Variants in EIF3E observed in about 807,000 individuals in gnomAD.
The protein encoded by EIF3E is eukaryotic translation initiation factor 3 subunit E.
Under a neutral mutation model 59.3 loss-of-function variants are expected in EIF3E, and 25 were observed. The observed-to-expected ratio is 0.42, with a 90% CI of 0.31 to 0.59. EIF3E has a LOEUF of 0.59. Among genes scored for constraint, EIF3E ranks in the 20% least tolerant of loss-of-function variants. The probability of loss-of-function intolerance (pLI) is 0.15; values close to 1 mark genes in which losing one functional copy is unlikely to be tolerated. For missense variants in EIF3E, 317 were observed against 534.3 expected (o/e 0.59, Z 4.01); for synonymous variants, 176 against 170.2 (o/e 1.03, Z -0.26).
chr8:108,238,488 A>G (rs1815776819), intron 3 of EIF3E, among the ~76,000 whole-genome samples: 1 of 152,200 alleles, frequency 6.6e-6, no homozygotes, highest in Non-Finnish European at 1.5e-5. Context: ...AATATCATAT[A>G]GTTGTTAGTT....
At chr8:108,219,950 C>G (rs1815375736) in intron 7 of EIF3E, among the ~76,000 whole-genome samples, 1 of 152,104 alleles carries the variant, frequency 6.6e-6, no homozygotes, top group Non-Finnish European at 1.5e-5. Flanking sequence ...TGACATCAGC[C>G]TGGCCAACAC....
At chr8:108,231,097 C>G (rs185425890) in intron 5 of EIF3E, among the ~76,000 whole-genome samples, 2 of 152,022 alleles carry the variant, frequency 1.3e-5, no homozygotes, top group African/African-American at 4.8e-5. Context: ...TGTAGCCACA[C>G]AAGTACACAA....
chr8:108,244,504 A>T (rs1019408382), intron 1 of EIF3E, among the ~76,000 whole-genome samples: 1 of 152,124 alleles, frequency 6.6e-6, no homozygotes, highest in African/African-American at 2.4e-5. Flanking sequence ...TTATTCCTCA[A>T]ATTATGACAA....
chr8:108,225,415 A>T (rs1201362230), intron 7 of EIF3E, among the ~76,000 whole-genome samples: 1 of 151,510 alleles, frequency 6.6e-6, no homozygotes, highest in East Asian at 1.9e-4. Context: ...ATACCTGCAT[A>T]ACTCACTGGA....
rs144954980 is a variant in EIF3E, at chr8:108,212,985, T to C, written c.1061+1622A>G. Among the ~76,000 whole-genome samples the C allele has an allele frequency of 6.4e-3, 982 of 152,280 alleles. 18 individuals carry two copies. Among genetic ancestry groups the C allele is most frequent in the African/African-American group, 0.023 (949 of 41,528 alleles). Reference sequence around the variant, plus strand: ...CTTTAGTCTGAAAATGCTTTGTAGATTTTTGTCTAGCAGAAAACTACAGAG... The same window carrying C: ...CTTTAGTCTGAAAATGCTTTGTAGACTTTTGTCTAGCAGAAAACTACAGAG... On this transcript the variant is annotated intron_variant, in intron 10 of 12. Coordinates refer to ENST00000220849, the MANE Select transcript of EIF3E (RefSeq NM_001568.3).
At chr8:108,241,008 A>AGG (rs1391372626) in intron 2 of EIF3E, among the ~76,000 whole-genome samples, 3 of 152,072 alleles carry the variant, frequency 2.0e-5, no homozygotes, top group Admixed American at 2.0e-4. Context: ...ACTAAGAAAT[A>AGG]GTTTCCTTTT....
intron 11 of EIF3E, 89 bp from the exon 12 acceptor site, chr8:108,203,206 T>C (rs1160715063): frequency 6.8e-7 from 1 of 1,479,704 alleles, no homozygotes; most frequent in Non-Finnish European, 9.2e-7. Flanking sequence ...TTTGCGCATA[T>C]TTTAATGCAC....
At chr8:108,237,382 G>C (rs924245653) in intron 3 of EIF3E, among the ~76,000 whole-genome samples, 14 of 152,074 alleles carry the variant, frequency 9.2e-5, no homozygotes, top group Non-Finnish European at 2.1e-4. Flanking sequence ...CTCCCAAGTA[G>C]CTGGGATTAC....
At position 108,201,267 on chromosome 8, in the gene EIF3E, C is replaced by CTATATATATATATATAGATATATATA. The variant is rs1563624517; in HGVS notation, c.*617_*618insTATATATATCTATATATATATATATA. ...CTACTGATCATATATATATATATAT[C>CTATATATATATATATAGATATATATA]TATCTCTCAACTTGGATGGCTCTCA... On this transcript the variant is annotated 3_prime_UTR_variant, in exon 13 of 13. Coordinates refer to ENST00000220849, the MANE Select transcript of EIF3E (RefSeq NM_001568.3). 2 of 126,538 alleles carry CTATATATATATATATAGATATATATA rather than the reference C, an allele frequency of 1.6e-5. No homozygotes were observed. The highest frequency in any genetic ancestry group is 7.1e-5 in the African/African-American group (2 of 28,186). 7.8% of individuals were successfully genotyped at this position (126,538 alleles called of 1,614,324 possible).
intron 1 of EIF3E, chr8:108,242,499 T>G: frequency 8.4e-7 from 1 of 1,192,322 alleles, no homozygotes; most frequent in Non-Finnish European, 1.1e-6. Flanking sequence ...TATGTAAAGA[T>G]TCTACAAAAT....
At chr8:108,202,837 T>C (rs1204167869) in intron 12 of EIF3E, 146 bp downstream of exon 12, 3 of 913,008 alleles carry the variant, frequency 3.3e-6, no homozygotes, top group Non-Finnish European at 4.6e-6. Flanking sequence ...AAGAAAAAAT[T>C]TTCTGTTTAG....
intron 6 of EIF3E, among the ~76,000 whole-genome samples, chr8:108,228,712 G>T (rs1815566660): frequency 6.6e-6 from 1 of 152,136 alleles, no homozygotes; most frequent in Non-Finnish European, 1.5e-5. Context: ...ACATTTCATA[G>T]TAAGTGGTTT....
chr8:108,211,742 G>A (rs1226477223), intron 10 of EIF3E, among the ~76,000 whole-genome samples: 1 of 152,162 alleles, frequency 6.6e-6, no homozygotes, highest in Non-Finnish European at 1.5e-5. Context: ...GATTCTGGCT[G>A]TGCTTCGGAA....
rs148897949 is a variant in EIF3E at position 108,224,972 on chromosome 8, C to T, written c.722+3295G>A. Among the ~76,000 whole-genome samples the T allele has an allele frequency of 3.6e-4, 54 of 151,614 alleles. 2 individuals carry two copies. Among genetic ancestry groups the T allele is most frequent in the African/African-American group, 1.2e-3 (49 of 40,902 alleles). ...AAATTAATTTTTAAAAACTTCAACC[C>T]TTAAGTACTAATCTTTCTAGTCTTC... On this transcript the variant is annotated intron_variant, in intron 7 of 12. Coordinates refer to ENST00000220849, the MANE Select transcript of EIF3E (RefSeq NM_001568.3).
At chr8:108,240,212 T>C in intron 2 of EIF3E, 137 bp from the exon 3 acceptor site, 2 of 732,600 alleles carry the variant, frequency 2.7e-6, no homozygotes, top group South Asian at 3.1e-5. Context: ...TCATATGCCA[T>C]GGGCTACTCA....
intron 4 of EIF3E, 142 bp downstream of exon 4, chr8:108,236,019 A>T (rs1489152087): frequency 6.3e-6 from 4 of 635,722 alleles, no homozygotes; most frequent in Non-Finnish European, 2.4e-6. Flanking sequence ...CTGAAGTTTT[A>T]AAAATATAAC....
chr8:108,242,722 T>C, intron 1 of EIF3E: 1 of 1,001,916 alleles, frequency 1.0e-6, no homozygotes, highest in Non-Finnish European at 1.2e-6. Flanking sequence ...AGACAGACCT[T>C]GCAATTGAAA....
chr8:108,228,222 A>C (rs759113014), intron 7 of EIF3E, 45 bp downstream of exon 7: 1 of 1,520,200 alleles, frequency 6.6e-7, no homozygotes, highest in South Asian at 1.3e-5. Context: ...AACTCCATGT[A>C]ATTTTATCTA....
chr8:108,213,722 A>G (rs1351581816), intron 10 of EIF3E, among the ~76,000 whole-genome samples: 1 of 152,208 alleles, frequency 6.6e-6, no homozygotes, highest in African/African-American at 2.4e-5. Context: ...TAAGAGAATC[A>G]GGTTTAAAAA....
Sources: gnomAD v4.1 joint callset for allele counts (sites outside exome capture counted in the v4.1 genomes callset) on GRCh38, gnomAD v4.1.1 for gene constraint, MANE v1.5 for transcripts, NCBI Gene and HGNC (gene_info 2026-07-23, HGNC 2026-07-21) for gene names.